Variants in EXOC4 observed in about 807,000 individuals in gnomAD.
EXOC4 encodes the protein SEC8-like 1.
Under a neutral mutation model 107.2 loss-of-function variants are expected in EXOC4, and 71 were observed. That is an observed-to-expected ratio of 0.66 (90% CI 0.55 to 0.81). The LOEUF is 0.81. EXOC4 is among the 30% of genes least tolerant of loss of function. The pLI, the probability that EXOC4 is intolerant of heterozygous loss-of-function variation, is 0.00. For synonymous variants in EXOC4, 456 were observed against 441.2 expected (o/e 1.03, Z -0.42); for missense variants, 1,108 against 1,189.6 (o/e 0.93, Z 1.01).
At chr7:134,008,044 G>A (rs1024243209) in intron 17 of EXOC4, 1 of 489,784 alleles carries the variant, frequency 2.0e-6, no homozygotes, top group Admixed American at 3.8e-5. Flanking sequence ...TTTTCCTGAT[G>A]TCTAACCCAA....
chr7:133,899,507 C>T (rs1030952839), intron 12 of EXOC4, among the ~76,000 whole-genome samples: 5 of 152,204 alleles, frequency 3.3e-5, no homozygotes, highest in African/African-American at 1.2e-4. Flanking sequence ...GGACATAGTT[C>T]TTTTCTCTGA....
chr7:133,415,808 T>A (rs1391309382), intron 7 of EXOC4, among the ~76,000 whole-genome samples: 1 of 152,206 alleles, frequency 6.6e-6, no homozygotes, highest in Non-Finnish European at 1.5e-5. Flanking sequence ...GTCAACAACC[T>A]CAAAATAATA....
At chr7:133,633,861 T>A (rs1712946656) in intron 10 of EXOC4, among the ~76,000 whole-genome samples, 1 of 152,180 alleles carries the variant, frequency 6.6e-6, no homozygotes, top group South Asian at 2.1e-4. Flanking sequence ...GAGAATCCCT[T>A]TCAAGTGCGT....
intron 17 of EXOC4, among the ~76,000 whole-genome samples, chr7:134,051,629 GCCGCTGC>G (rs1444979243): frequency 1.1e-4 from 16 of 147,292 alleles, no homozygotes; most frequent in African/African-American, 4.1e-4. Context: ...CCGAGATCGC[GCCGCTGC>G]ACTCCAGCCT....
intron 9 of EXOC4, among the ~76,000 whole-genome samples, chr7:133,523,767 T>C (rs1302453513): frequency 6.6e-6 from 1 of 152,194 alleles, no homozygotes; most frequent in Non-Finnish European, 1.5e-5. Context: ...ACAAAGGACA[T>C]GAACTCATCA....
intron 11 of EXOC4, among the ~76,000 whole-genome samples, chr7:133,894,511 T>C (rs1379618572): frequency 7.0e-4 from 72 of 102,730 alleles, no homozygotes; most frequent in African/African-American, 4.1e-3. Flanking sequence ...CGCTCTGCGT[T>C]TTAGAGTTTC....
chr7:133,586,924 G>A (rs1404969567), intron 9 of EXOC4, among the ~76,000 whole-genome samples: 3 of 152,098 alleles, frequency 2.0e-5, no homozygotes, highest in East Asian at 1.9e-4. Context: ...TCTGCCTCCC[G>A]GGTTCAAGTG....
intron 13 of EXOC4, among the ~76,000 whole-genome samples, chr7:133,920,806 G>A (rs1799920941): frequency 6.6e-6 from 1 of 152,092 alleles, no homozygotes; most frequent in Non-Finnish European, 1.5e-5. Context: ...TCTTCTCTCT[G>A]AAGAACTTCT....
the EXOC4 span, among the ~76,000 whole-genome samples, chr7:134,100,620 A>G: frequency 3.0e-5 from 4 of 131,168 alleles, 2 homozygotes; most frequent in South Asian, 9.5e-4. Flanking sequence ...ATTGTGGCCA[A>G]GTAACAGAGG....
intron 9 of EXOC4, among the ~76,000 whole-genome samples, chr7:133,533,685 G>A (rs932349917): frequency 1.3e-5 from 2 of 152,070 alleles, no homozygotes; most frequent in Admixed American, 6.6e-5. Context: ...GGTAGTGCTC[G>A]GCTGACTGTG....
chr7:133,466,942 TACTC>T (rs1224194478), intron 7 of EXOC4, among the ~76,000 whole-genome samples: 1 of 152,140 alleles, frequency 6.6e-6, no homozygotes, highest in South Asian at 2.1e-4. Context: ...AAAGGAAACA[TACTC>T]AACCTAATAA....
At chr7:133,270,558 A>G (rs1361048938) in intron 1 of EXOC4, among the ~76,000 whole-genome samples, 5 of 152,192 alleles carry the variant, frequency 3.3e-5, no homozygotes, top group African/African-American at 9.7e-5. Context: ...AATTTTATGG[A>G]AGAAGGAATA....
intron 14 of EXOC4, among the ~76,000 whole-genome samples, chr7:133,986,579 CA>C (rs1794119014): frequency 6.6e-6 from 1 of 152,166 alleles, no homozygotes; most frequent in Admixed American, 6.5e-5. Flanking sequence ...AAGTTCAAAT[CA>C]AATGTTAATA....
At chr7:133,742,393 A>G (rs746574860) in intron 10 of EXOC4, among the ~76,000 whole-genome samples, 1 of 152,208 alleles carries the variant, frequency 6.6e-6, no homozygotes, top group Non-Finnish European at 1.5e-5. Context: ...ACCCTGGTTT[A>G]CCAAGGTCTT....
chr7:133,634,210 A>G (rs1802654368), intron 10 of EXOC4, among the ~76,000 whole-genome samples: 1 of 152,196 alleles, frequency 6.6e-6, no homozygotes, highest in African/African-American at 2.4e-5. Context: ...TAGCTACTGC[A>G]GTTCCATCAC....
intron 5 of EXOC4, among the ~76,000 whole-genome samples, chr7:133,320,057 G>A (rs1340798133): frequency 6.6e-6 from 1 of 152,026 alleles, no homozygotes; most frequent in Non-Finnish European, 1.5e-5. Context: ...GAGGCACAGG[G>A]AGGTTAATAA....
intron 7 of EXOC4, among the ~76,000 whole-genome samples, chr7:133,376,579 A>G (rs908979349): frequency 1.3e-5 from 2 of 152,208 alleles, no homozygotes; most frequent in Non-Finnish European, 2.9e-5. Flanking sequence ...TTCCTCGTGA[A>G]TACTTTCCAA....
chr7:133,545,677 A>G (rs764612080), intron 9 of EXOC4, among the ~76,000 whole-genome samples: 2 of 152,144 alleles, frequency 1.3e-5, no homozygotes, highest in Non-Finnish European at 2.9e-5. Flanking sequence ...CTTAGAAGCA[A>G]TCTAGTTTGA....
chr7:133,595,107 G>A (rs775138060), intron 9 of EXOC4, among the ~76,000 whole-genome samples: 1 of 151,958 alleles, frequency 6.6e-6, no homozygotes, highest in African/African-American at 2.4e-5. Flanking sequence ...TAGGTAATGG[G>A]GAGAGTAGGT....
Sources: gnomAD v4.1 joint callset for allele counts (sites outside exome capture counted in the v4.1 genomes callset) on GRCh38, gnomAD v4.1.1 for gene constraint, MANE v1.5 for transcripts, NCBI Gene and HGNC (gene_info 2026-07-23, HGNC 2026-07-21) for gene names.